FAM3B: variants seen among roughly 807,000 people sequenced by gnomAD.
FAM3B encodes protein FAM3B.
In FAM3B, 29 loss-of-function variants were observed where a neutral mutation model predicts 28.4. That is an observed-to-expected ratio of 1.02 (90% CI 0.76 to 1.39). The LOEUF (loss-of-function observed/expected upper bound fraction) is 1.39. FAM3B is among the 40% of genes most tolerant of loss of function. FAM3B has a pLI of 0.00. For missense variants in FAM3B, 266 were observed against 293.9 expected, an observed-to-expected ratio of 0.91 and a Z score of 0.69; for synonymous variants, 91 against 103.0, an observed-to-expected ratio of 0.88 and a Z score of 0.71.
chr21:41,335,885 G>A (rs542313126), intron 2 of FAM3B, among the ~76,000 whole-genome samples: 12 of 152,282 alleles, frequency 7.9e-5, no homozygotes, highest in African/African-American at 2.9e-4. Flanking sequence ...GCTGCTGGAT[G>A]GAATGCTCTG....
At chr21:41,355,630 G>A (rs894891797) in intron 7 of FAM3B, among the ~76,000 whole-genome samples, 1 of 152,160 alleles carries the variant, frequency 6.6e-6, no homozygotes, top group African/African-American at 2.4e-5. Context: ...TTTCCAGAAT[G>A]AGAAAATCCA....
chr21:41,353,283 T>C (rs2089137709), intron 7 of FAM3B, among the ~76,000 whole-genome samples: 1 of 152,252 alleles, frequency 6.6e-6, no homozygotes, highest in South Asian at 2.1e-4. Context: ...CAAGTTGATA[T>C]ATTTTGTAGA....
At chr21:41,311,251 A>AAAAATATAT (rs1555866518) in intron 1 of FAM3B, among the ~76,000 whole-genome samples, 5 of 35,072 alleles carry the variant, frequency 1.4e-4, no homozygotes, top group African/African-American at 3.6e-4. Context: ...AAAAAAAAAA[A>AAAAATATAT]ATATATATAT....
intron 7 of FAM3B, among the ~76,000 whole-genome samples, chr21:41,355,046 A>T (rs774200304): frequency 6.6e-6 from 1 of 152,228 alleles, no homozygotes; most frequent in Non-Finnish European, 1.5e-5. Context: ...AGATATACAA[A>T]TGGTCAATAA....
intron 3 of FAM3B, among the ~76,000 whole-genome samples, chr21:41,338,941 C>T (rs1356028047): frequency 1.3e-5 from 2 of 152,226 alleles, no homozygotes; most frequent in East Asian, 1.9e-4. Context: ...CTTTAAAAAG[C>T]GAAGTTAGAC....
At chr21:41,316,131 C>T (rs969900584), upstream of FAM3B, among the ~76,000 whole-genome samples, 2 of 152,212 alleles carry the variant, frequency 1.3e-5, no homozygotes, top group Non-Finnish European at 2.9e-5. Context: ...GAGAGAGGAG[C>T]TATTCCTGTT....
chr21:41,335,620 C>A (rs1320203671), intron 2 of FAM3B, among the ~76,000 whole-genome samples: 8 of 152,226 alleles, frequency 5.3e-5, no homozygotes, highest in Non-Finnish European at 4.4e-5. Flanking sequence ...GCTTCCTTTA[C>A]AGCCTGCAGA....
At chr21:41,315,469 T>TA (rs71909286), upstream of FAM3B, among the ~76,000 whole-genome samples, 1 of 152,028 alleles carries the variant, frequency 6.6e-6, no homozygotes, top group Non-Finnish European at 1.5e-5. Flanking sequence ...AACCCAGAGA[T>TA]AAAAGCCTTA....
At chr21:41,323,661 C>T (rs1255138753) in intron 2 of FAM3B, among the ~76,000 whole-genome samples, 3 of 152,160 alleles carry the variant, frequency 2.0e-5, no homozygotes, top group Non-Finnish European at 4.4e-5. Context: ...GACAAGCCCA[C>T]GAGGTCCCTG....
At chr21:41,307,355 T>C (rs923950729) in intron 1 of FAM3B, among the ~76,000 whole-genome samples, 1 of 152,208 alleles carries the variant, frequency 6.6e-6, no homozygotes, top group African/African-American at 2.4e-5. Context: ...TGAGGAAATA[T>C]CATGGTTTAC....
In FAM3B at chr21:41,350,141, C is replaced by G. The variant is rs2838021; in HGVS notation, c.618+1417C>G. On this transcript the variant is annotated intron_variant, in intron 7 of 7. Transcript: ENST00000357985. ...CTGTGTTAGTTTTGCGAGGGGACGTCGTGTGATCTTAAACAAGTCACGTCA... is the reference window on the plus strand; with the variant it reads ...CTGTGTTAGTTTTGCGAGGGGACGTGGTGTGATCTTAAACAAGTCACGTCA... Among the ~76,000 whole-genome samples the G allele has an allele frequency of 2.6e-5, 4 of 152,142 alleles. No individual in the cohort carries two copies. In the South Asian group the frequency reaches 8.3e-4, roughly 31 times the overall value.
At chr21:41,354,672 G>T (rs2089149725) in intron 7 of FAM3B, among the ~76,000 whole-genome samples, 1 of 152,052 alleles carries the variant, frequency 6.6e-6, no homozygotes, top group South Asian at 2.1e-4. Context: ...CACAATAGAG[G>T]GGCCTATTGG....
At chr21:41,322,617 T>C in intron 1 of FAM3B, 2 of 717,606 alleles carry the variant, frequency 2.8e-6, no homozygotes, top group Non-Finnish European at 5.2e-6. Flanking sequence ...GCTCACAAGG[T>C]GCTTGATTAG....
chr21:41,343,136 G>C (rs1027597781), intron 3 of FAM3B, among the ~76,000 whole-genome samples: 1 of 152,140 alleles, frequency 6.6e-6, no homozygotes, highest in Non-Finnish European at 1.5e-5. Context: ...ATAAGATGTG[G>C]GAGATTTAAC....
intron 7 of FAM3B, among the ~76,000 whole-genome samples, chr21:41,351,722 C>T (rs751029893): frequency 4.6e-5 from 7 of 152,246 alleles, no homozygotes; most frequent in Non-Finnish European, 1.0e-4. Context: ...AGTCAGCTTT[C>T]TAGGCACAGC....
chr21:41,345,459 A>G (rs2089048449), intron 4 of FAM3B, among the ~76,000 whole-genome samples: 1 of 152,142 alleles, frequency 6.6e-6, no homozygotes, highest in Admixed American at 6.5e-5. Context: ...TGTAACCCAA[A>G]GCAAACTGGA....
chr21:41,312,466 C>T (rs2088720567), upstream of FAM3B, among the ~76,000 whole-genome samples: 1 of 152,132 alleles, frequency 6.6e-6, no homozygotes, highest in Admixed American at 6.5e-5. Flanking sequence ...AAACTCACTC[C>T]AGGGTCTCAT....
At chr21:41,306,631 C>T (rs371873228) in intron 1 of FAM3B, among the ~76,000 whole-genome samples, 73 of 152,122 alleles carry the variant, frequency 4.8e-4, no homozygotes, top group Middle Eastern at 3.4e-3. Flanking sequence ...AATTTTTTTT[C>T]GAAGCAGTAG....
intron 1 of FAM3B, among the ~76,000 whole-genome samples, chr21:41,308,521 T>A: frequency 6.7e-6 from 1 of 148,588 alleles, no homozygotes; most frequent in East Asian, 2.0e-4. Context: ...ATTGTTGGTT[T>A]TTGTTTTTCT....
Sources: allele counts gnomAD v4.1 joint callset (sites outside exome capture counted in the v4.1 genomes callset), GRCh38; gene constraint gnomAD v4.1.1; transcripts MANE v1.5; gene names NCBI Gene and HGNC (gene_info 2026-07-23, HGNC 2026-07-21).